PRIM2: variants seen among roughly 807,000 people sequenced by gnomAD.
PRIM2 encodes DNA primase subunit 2.
Under a neutral mutation model 67.3 loss-of-function variants are expected in PRIM2, and 39 were observed. The observed-to-expected ratio is 0.58, with a 90% CI of 0.45 to 0.76. The LOEUF is 0.76. PRIM2 is among the 30% of genes least tolerant of loss of function. PRIM2 has a pLI of 0.00. For missense variants in PRIM2, 398 were observed against 598.7 expected (o/e 0.66, Z 3.50); for synonymous variants, 143 against 198.7 (o/e 0.72, Z 2.36).
At chr6:57,266,074 A>G in the PRIM2 span, among the ~76,000 whole-genome samples, 1 of 152,232 alleles carries the variant, frequency 6.6e-6, no homozygotes, top group African/African-American at 2.4e-5. Context: ...GAGCTTGAAC[A>G]AATAAGACAC....
At chr6:57,445,962 G>A (rs1278543565) in intron 7 of PRIM2, among the ~76,000 whole-genome samples, 1 of 152,220 alleles carries the variant, frequency 6.6e-6, no homozygotes, top group East Asian at 1.9e-4. Context: ...TGTGTATGCT[G>A]CCATTGCTGG....
intron 5 of PRIM2, among the ~76,000 whole-genome samples, chr6:57,327,229 A>T (rs1767896332): frequency 6.6e-6 from 1 of 152,116 alleles, no homozygotes; most frequent in South Asian, 2.1e-4. Context: ...AGGTAGATAT[A>T]TGCCACAATG....
chr6:57,406,076 G>T (rs1770879783), intron 7 of PRIM2, among the ~76,000 whole-genome samples: 2 of 152,244 alleles, frequency 1.3e-5, no homozygotes, highest in South Asian at 4.1e-4. Flanking sequence ...GGGGATTGCA[G>T]AGAGAGCTTC....
chr6:57,515,687 T>A (rs1295677646), intron 8 of PRIM2, among the ~76,000 whole-genome samples: 9 of 152,222 alleles, frequency 5.9e-5, no homozygotes, highest in South Asian at 2.1e-4. Context: ...CATTCCCTGA[T>A]ATTTAGCGAT....
At chr6:57,502,549 T>C (rs1774156779) in intron 7 of PRIM2, among the ~76,000 whole-genome samples, 1 of 152,240 alleles carries the variant, frequency 6.6e-6, no homozygotes, top group African/African-American at 2.4e-5. Context: ...TAATTGCATG[T>C]GTGCATGCTT....
intron 11 of PRIM2, among the ~76,000 whole-genome samples, chr6:57,605,941 C>G (rs1211922407): frequency 1.3e-5 from 2 of 151,998 alleles, no homozygotes; most frequent in African/African-American, 4.8e-5. Context: ...TTTTTTCTTT[C>G]TCAGAGTTTG....
intron 7 of PRIM2, among the ~76,000 whole-genome samples, chr6:57,470,156 C>T (rs1482641299): frequency 7.6e-4 from 115 of 152,214 alleles, no homozygotes; most frequent in African/African-American, 2.6e-3. Flanking sequence ...AGTATTTGAG[C>T]GTTGTGGCAT....
chr6:57,424,706 A>C (rs1771564660), intron 7 of PRIM2, among the ~76,000 whole-genome samples: 1 of 152,224 alleles, frequency 6.6e-6, no homozygotes, highest in Non-Finnish European at 1.5e-5. Context: ...TTAAAAAGAC[A>C]TTGAGTTGGA....
At chr6:57,325,778 C>T in intron 4 of PRIM2, 147 bp from the exon 5 acceptor site, 1 of 711,794 alleles carries the variant, frequency 1.4e-6, no homozygotes, top group Non-Finnish European at 2.3e-6. Flanking sequence ...TATTGATATT[C>T]TCCTTACCGT....
chr6:57,524,830 G>C (rs1554349220), intron 8 of PRIM2, among the ~76,000 whole-genome samples: 3,923 of 152,186 alleles, frequency 0.026, 75 homozygotes, highest in Non-Finnish European at 0.042. Flanking sequence ...TGTAGGCAGA[G>C]TTTGTTATAC....
rs201549244 is a variant in PRIM2 at position 57,402,635 on chromosome 6, G to T, written c.693+20467G>T. Reference sequence around the variant, plus strand: ...AAAGTATAACTATGTTTGGGGAATGGTGTTAGTGGTATGATTGGTATGGTT... The same window carrying T: ...AAAGTATAACTATGTTTGGGGAATGTTGTTAGTGGTATGATTGGTATGGTT... On this transcript the variant is annotated intron_variant, in intron 7 of 13. Transcript: ENST00000615550. Among the ~76,000 whole-genome samples the T allele has an allele frequency of 3.3e-3, 502 of 152,324 alleles. 9 individuals carry two copies. In the East Asian group the frequency reaches 0.047, roughly 14 times the overall value.
At chr6:57,375,986 C>G (rs1226050921) in intron 5 of PRIM2, among the ~76,000 whole-genome samples, 3 of 151,926 alleles carry the variant, frequency 2.0e-5, no homozygotes, top group African/African-American at 7.3e-5. Flanking sequence ...GGAGTAGGAT[C>G]CCTTGAGCCC....
At chr6:57,573,825 G>A (rs1312072246) in intron 10 of PRIM2, among the ~76,000 whole-genome samples, 4 of 152,222 alleles carry the variant, frequency 2.6e-5, no homozygotes, top group African/African-American at 9.6e-5. Flanking sequence ...CATATATAGA[G>A]TTTCCGCGTA....
chr6:57,405,893 T>G (rs1218797763), intron 7 of PRIM2, among the ~76,000 whole-genome samples: 4 of 152,186 alleles, frequency 2.6e-5, no homozygotes, highest in Non-Finnish European at 5.9e-5. Context: ...GAAACCTGCC[T>G]TCATCATCAG....
At chr6:57,332,811 C>G (rs12665497) in intron 5 of PRIM2, among the ~76,000 whole-genome samples, 1 of 151,788 alleles carries the variant, frequency 6.6e-6, no homozygotes, top group African/African-American at 2.4e-5. Flanking sequence ...ATCTTCTTTT[C>G]TTTTTTATTC....
At chr6:57,632,881 A>T (rs1313761230) in intron 13 of PRIM2, among the ~76,000 whole-genome samples, 1 of 152,150 alleles carries the variant, frequency 6.6e-6, no homozygotes, top group Non-Finnish European at 1.5e-5. Flanking sequence ...CTAACTATAC[A>T]CGAGTCAGGG....
At chr6:57,401,935 C>T (rs2127356241) in intron 7 of PRIM2, among the ~76,000 whole-genome samples, 1 of 152,314 alleles carries the variant, frequency 6.6e-6, no homozygotes, top group East Asian at 1.9e-4. Context: ...GTAGCAAGGG[C>T]AGTTCTGCTG....
chr6:57,513,991 CA>C (rs1562780814), intron 8 of PRIM2, among the ~76,000 whole-genome samples: 2 of 152,194 alleles, frequency 1.3e-5, no homozygotes. Context: ...CAAGCTAAAA[CA>C]AGTATTACTT....
At chr6:57,446,494 A>G (rs1035998436) in intron 7 of PRIM2, among the ~76,000 whole-genome samples, 1 of 141,092 alleles carries the variant, frequency 7.1e-6, no homozygotes, top group African/African-American at 2.7e-5. Context: ...GCTCACTGCA[A>G]CCTGTGCTTT....
Sources: allele counts gnomAD v4.1 joint callset (sites outside exome capture counted in the v4.1 genomes callset), GRCh38; gene constraint gnomAD v4.1.1; transcripts MANE v1.5; gene names NCBI Gene and HGNC (gene_info 2026-07-23, HGNC 2026-07-21).